Variants in PPP6R2 observed in about 807,000 individuals in gnomAD.
The protein encoded by PPP6R2 is protein phosphatase 6 regulatory subunit 2.
A neutral mutation model predicts 100.2 loss-of-function variants in PPP6R2; 62 were observed. The observed-to-expected ratio is 0.62, with a 90% CI of 0.50 to 0.76. PPP6R2 has a LOEUF of 0.76. PPP6R2 is among the 30% of genes least tolerant of loss of function. The pLI is 0.00. For missense variants in PPP6R2, 1,142 were observed against 1,276.3 expected (o/e 0.89, Z 1.60); for synonymous variants, 525 against 514.7 (o/e 1.02, Z -0.27).
At chr22:50,419,507 T>A (rs529167603) in intron 8 of PPP6R2, 45 bp downstream of exon 8, 1 of 1,369,692 alleles carries the variant, frequency 7.3e-7, no homozygotes, top group Non-Finnish European at 1.0e-6. Context: ...ACTTGACGCC[T>A]CAGTGATATG....
At chr22:50,422,442 GGGA>G (rs2061461576) in intron 9 of PPP6R2, 62 bp downstream of exon 9, 2 of 1,590,016 alleles carry the variant, frequency 1.3e-6, no homozygotes, top group Non-Finnish European at 1.7e-6. Context: ...TTGATTTGCA[GGGA>G]GGAGAAGCCA....
chr22:50,409,468 G>A (rs943708185), intron 4 of PPP6R2, among the ~76,000 whole-genome samples: 8 of 151,714 alleles, frequency 5.3e-5, no homozygotes, highest in South Asian at 2.1e-4. Context: ...TTGCTCTGTC[G>A]CCAGGCTGAA....
intron 2 of PPP6R2, among the ~76,000 whole-genome samples, chr22:50,390,090 C>T: frequency 6.7e-6 from 1 of 149,856 alleles, no homozygotes; most frequent in African/African-American, 2.5e-5. Context: ...TTCTCGGGTT[C>T]AGGCGATTCT....
intron 10 of PPP6R2, among the ~76,000 whole-genome samples, chr22:50,429,288 C>T (rs998736252): frequency 6.6e-6 from 1 of 152,120 alleles, no homozygotes; most frequent in Non-Finnish European, 1.5e-5. Context: ...TCCTCGGCCT[C>T]CCAAAGTGTT....
intron 21 of PPP6R2, 68 bp downstream of exon 21, chr22:50,440,117 C>A (rs118129949): frequency 7.1e-7 from 1 of 1,412,842 alleles, no homozygotes; most frequent in Non-Finnish European, 9.7e-7. Context: ...GCTGGCCCCC[C>A]TCCTTGGGGG....
chr22:50,437,948 G>A, intron 17 of PPP6R2, 48 bp downstream of exon 17: 1 of 1,565,074 alleles, frequency 6.4e-7, no homozygotes, highest in African/African-American at 1.4e-5. Flanking sequence ...TTCCCAGGCA[G>A]CTCAGGCCAT....
intron 22 of PPP6R2, among the ~76,000 whole-genome samples, chr22:50,442,066 CCA>C (rs1470770732): frequency 6.6e-6 from 1 of 152,168 alleles, no homozygotes; most frequent in African/African-American, 2.4e-5. Context: ...GTGGTGCATC[CCA>C]GTCACTCCTG....
chr22:50,428,012 G>A (rs139549509), intron 10 of PPP6R2, among the ~76,000 whole-genome samples: 1,192 of 149,932 alleles, frequency 8.0e-3, no homozygotes, highest in Non-Finnish European at 0.013. Flanking sequence ...GAGCCACCAC[G>A]CCCAGCCAAT....
chr22:50,426,981 G>A (rs2062251697), intron 10 of PPP6R2, among the ~76,000 whole-genome samples: 1 of 152,004 alleles, frequency 6.6e-6, no homozygotes, highest in East Asian at 1.9e-4. Context: ...GAGGTCAGGA[G>A]ATTGAGACCA....
intron 1 of PPP6R2, among the ~76,000 whole-genome samples, chr22:50,347,075 A>T (rs1226656811): frequency 7.3e-5 from 11 of 151,474 alleles, no homozygotes; most frequent in African/African-American, 2.4e-4. Context: ...TTCCCTCATA[A>T]GTGTCTCCCT....
At chr22:50,353,265 T>C (rs1216240299) in intron 1 of PPP6R2, among the ~76,000 whole-genome samples, 1 of 152,186 alleles carries the variant, frequency 6.6e-6, no homozygotes, top group African/African-American at 2.4e-5. Context: ...CATTTCTAGC[T>C]TTTGATCGAA....
At chr22:50,416,039 T>C in intron 5 of PPP6R2, 53 bp from the exon 6 acceptor site, 1 of 1,514,166 alleles carries the variant, frequency 6.6e-7, no homozygotes, top group Non-Finnish European at 9.2e-7. Flanking sequence ...AAGGTTCCTG[T>C]TGTTTACTTA....
rs1368415929 is a variant in PPP6R2 at position 50,440,006 on chromosome 22, C to T, written c.2331C>T (p.Cys777=). ...GCAGCTCTCCGGTGGACACAGAATG[C>T]AGCCATGCTGAGGGCAGCCGGAGCC... ...PRCSSPVDTE[C]SHAEGSRSQG... Residue 777 remains cysteine (C), a synonymous_variant, in exon 21 of 24, where the codon TGC becomes TGT. Transcript: ENST00000612753. The T allele has an allele frequency of 6.2e-7, 1 of 1,613,544 alleles. No homozygotes were observed. The highest frequency in any genetic ancestry group is 1.1e-5 in the South Asian group (1 of 91,074).
intron 10 of PPP6R2, among the ~76,000 whole-genome samples, chr22:50,429,578 T>C (rs1424674007): frequency 2.0e-5 from 3 of 152,226 alleles, no homozygotes; most frequent in Non-Finnish European, 4.4e-5. Context: ...TGTAGTGTCC[T>C]CATTCAGCTT....
At chr22:50,443,793 G>T in intron 22 of PPP6R2, 73 bp from the exon 23 acceptor site, 1 of 1,492,768 alleles carries the variant, frequency 6.7e-7, no homozygotes. Flanking sequence ...TTGTCCAGCT[G>T]GTCCTTGGGC....
In PPP6R2 at chr22:50,408,912, C is replaced by T. The variant is rs191994304; in HGVS notation, c.414+2037C>T. Among the ~76,000 whole-genome samples the T allele has an allele frequency of 5.1e-4, 78 of 152,230 alleles. No individual in the cohort carries two copies. In the East Asian group the frequency reaches 0.012, roughly 23 times the overall value. ...AGTGGATCACCTGAGGTCAGGAGTT[C>T]GAGACCAGCCTGACCAACGTGGAGA... is the stretch of plus-strand genomic sequence containing the variant. On this transcript the variant is annotated intron_variant, in intron 4 of 23. Transcript: ENST00000612753.
intron 5 of PPP6R2, among the ~76,000 whole-genome samples, chr22:50,415,212 C>T (rs1015420613): frequency 6.6e-6 from 1 of 152,208 alleles, no homozygotes; most frequent in African/African-American, 2.4e-5. Flanking sequence ...CCAGGAAATC[C>T]GTGCTGACAA....
chr22:50,374,934 G>C (rs374410251), intron 2 of PPP6R2, among the ~76,000 whole-genome samples: 49 of 126,764 alleles, frequency 3.9e-4, no homozygotes, highest in African/African-American at 1.5e-3. Flanking sequence ...AAAAAAAAGA[G>C]AAAAAGAAAA....
intron 10 of PPP6R2, among the ~76,000 whole-genome samples, chr22:50,427,876 T>A (rs2062450063): frequency 6.6e-6 from 1 of 152,168 alleles, no homozygotes; most frequent in Admixed American, 6.5e-5. Context: ...GCCTGCTACC[T>A]CGCGTGGCTA....
Sources: gnomAD v4.1 joint callset for allele counts (sites outside exome capture counted in the v4.1 genomes callset) on GRCh38, gnomAD v4.1.1 for gene constraint, MANE v1.5 for transcripts, NCBI Gene and HGNC (gene_info 2026-07-23, HGNC 2026-07-21) for gene names.